The following PCLO variants were observed in gnomAD, a reference collection of about 807,000 sequenced individuals.
The protein encoded by PCLO is protein piccolo.
PCLO carries 82 observed loss-of-function variants against 427.5 expected under a neutral mutation model. The observed-to-expected ratio is 0.19, with a 90% CI of 0.16 to 0.23. PCLO has a LOEUF of 0.23. PCLO is among the 10% of genes least tolerant of loss of function. PCLO has a pLI of 1.00. For missense variants in PCLO, 6,239 were observed against 6,115.9 expected (o/e 1.02, Z -0.67); for synonymous variants, 2,357 against 2,155.4 (o/e 1.09, Z -2.59).
At chr7:82,828,262 A>C (rs1792002007) in intron 16 of PCLO, among the ~76,000 whole-genome samples, 1 of 152,086 alleles carries the variant, frequency 6.6e-6, no homozygotes, top group East Asian at 1.9e-4. Context: ...AATGTAGGAG[A>C]TAATTACATG....
At chr7:82,969,030 TTCTA>T (rs1325759950) in intron 3 of PCLO, among the ~76,000 whole-genome samples, 8 of 152,292 alleles carry the variant, frequency 5.3e-5, no homozygotes, top group African/African-American at 9.6e-5. Context: ...AGTGAGACTA[TTCTA>T]TCTGAGATGT....
intron 10 of PCLO, among the ~76,000 whole-genome samples, chr7:82,864,698 A>C (rs367548485): frequency 1.8e-4 from 28 of 152,094 alleles, no homozygotes; most frequent in African/African-American, 6.8e-4. Flanking sequence ...TAATTTATTC[A>C]GTTATGTAAT....
At chr7:83,058,403 C>A (rs952561157) in intron 3 of PCLO, among the ~76,000 whole-genome samples, 1 of 152,116 alleles carries the variant, frequency 6.6e-6, no homozygotes, top group Non-Finnish European at 1.5e-5. Flanking sequence ...GTATTACATC[C>A]TTTTAGAAGA....
chr7:82,996,887 T>C (rs1787630760), intron 3 of PCLO, among the ~76,000 whole-genome samples: 1 of 151,984 alleles, frequency 6.6e-6, no homozygotes, highest in Non-Finnish European at 1.5e-5. Flanking sequence ...ATAAGTTGTG[T>C]TTTATCTGGT....
Position 82,968,643 on chromosome 7 carries a change from C to T in PCLO, c.3301-2156G>A, listed in dbSNP as rs186502908. On this transcript the variant is annotated intron_variant, in intron 3 of 24. Transcript: ENST00000333891. ...CAAGAAATTCTCCTGCCTCAGTCTC[C>T]TGAGTAGCTGGGATTACAGGTACAC... 3.3e-3 allele frequency among the ~76,000 whole-genome samples: 492 copies of T among 151,082 alleles called. 4 individuals carry two copies. Among genetic ancestry groups the T allele is most frequent in the Non-Finnish European group, 5.4e-3 (367 of 67,810 alleles).
At chr7:83,148,363 T>C (rs1189619845) in intron 2 of PCLO, among the ~76,000 whole-genome samples, 2 of 152,160 alleles carry the variant, frequency 1.3e-5, no homozygotes, top group African/African-American at 4.8e-5. Flanking sequence ...TCATAACACA[T>C]TGTCATCTGT....
chr7:82,764,016 G>T (rs1024538413), intron 22 of PCLO, among the ~76,000 whole-genome samples: 5 of 151,950 alleles, frequency 3.3e-5, no homozygotes, highest in Non-Finnish European at 5.9e-5. Flanking sequence ...TCAGCAAAGG[G>T]ACTGATGGTA....
Position 83,154,643 on chromosome 7 carries a change from G to T in PCLO, c.1893+105C>A. 5 of 875,452 alleles carry T rather than the reference G, an allele frequency of 5.7e-6. No homozygotes were observed. In the South Asian group the frequency reaches 7.2e-5, roughly 13 times the overall value. The allele number at this position is 875,452 out of a possible 1,614,324, so 54.2% of individuals were successfully genotyped here. The stretch of plus-strand genomic sequence containing the variant: ...AACGAACGAAGGAGGGGAGAATCCA[G>T]AGAAAGACAATGCCATCATGTCATA... On this transcript the variant is annotated intron_variant, in intron 2 of 24. Coordinates refer to ENST00000333891, the MANE Select transcript of PCLO (RefSeq NM_033026.6).
chr7:82,774,971 G>A (rs146240232), intron 22 of PCLO, among the ~76,000 whole-genome samples: 1 of 152,150 alleles, frequency 6.6e-6, no homozygotes, highest in African/African-American at 2.4e-5. Flanking sequence ...TTTTCCTAAT[G>A]TCGTATAGTT....
chr7:82,862,043 T>A (rs1222687968), intron 10 of PCLO, among the ~76,000 whole-genome samples: 3 of 151,732 alleles, frequency 2.0e-5, no homozygotes, highest in Admixed American at 2.0e-4. Context: ...TGACGCATCT[T>A]AAAGAACTAG....
chr7:82,764,019 T>A (rs1396048191), intron 22 of PCLO, among the ~76,000 whole-genome samples: 9 of 152,130 alleles, frequency 5.9e-5, no homozygotes, highest in Middle Eastern at 3.4e-3. Context: ...GCAAAGGGAC[T>A]GATGGTAATT....
chr7:82,824,165 A>G, intron 19 of PCLO, 71 bp downstream of exon 19: 1 of 1,019,264 alleles, frequency 9.8e-7, no homozygotes, highest in Non-Finnish European at 1.4e-6. Flanking sequence ...ATGTACAAAC[A>G]TTCACACTAA....
chr7:83,148,326 T>G (rs984823466), intron 2 of PCLO, among the ~76,000 whole-genome samples: 1 of 152,140 alleles, frequency 6.6e-6, no homozygotes, highest in Non-Finnish European at 1.5e-5. Flanking sequence ...TGGAACATAC[T>G]ACAACCCTCC....
chr7:83,025,459 A>G (rs1380676566), intron 3 of PCLO, among the ~76,000 whole-genome samples: 1 of 151,670 alleles, frequency 6.6e-6, no homozygotes, highest in Non-Finnish European at 1.5e-5. Flanking sequence ...CTATGTGAAA[A>G]GACCAAATCT....
intron 16 of PCLO, among the ~76,000 whole-genome samples, chr7:82,833,355 G>A (rs1198650534): frequency 1.3e-5 from 2 of 152,072 alleles, no homozygotes; most frequent in South Asian, 2.1e-4. Flanking sequence ...AAACCAGAGC[G>A]AGGCCCTTCA....
chr7:83,032,410 C>T (rs1788692389), intron 3 of PCLO, among the ~76,000 whole-genome samples: 1 of 150,008 alleles, frequency 6.7e-6, no homozygotes, highest in Non-Finnish European at 1.5e-5. Flanking sequence ...CCCTCCCTCC[C>T]TCCTTCCCTT....
intron 24 of PCLO, 133 bp downstream of exon 24, chr7:82,760,506 T>C (rs1790407680): frequency 3.9e-6 from 2 of 510,650 alleles, no homozygotes; most frequent in African/African-American, 2.0e-5. Context: ...CCTGGGGAGA[T>C]ACTGCTGAAA....
intron 3 of PCLO, among the ~76,000 whole-genome samples, chr7:83,059,115 A>G (rs1233451304): frequency 1.3e-5 from 2 of 150,722 alleles, no homozygotes; most frequent in East Asian, 3.9e-4. Context: ...CATACTATAT[A>G]TGAGATATAG....
intron 22 of PCLO, among the ~76,000 whole-genome samples, chr7:82,786,901 C>A (rs1250602481): frequency 6.6e-6 from 1 of 152,116 alleles, no homozygotes; most frequent in African/African-American, 2.4e-5. Context: ...TCATCCATGT[C>A]CCTGCAAAGG....
Sources: gnomAD v4.1 joint callset for allele counts (sites outside exome capture counted in the v4.1 genomes callset) on GRCh38, gnomAD v4.1.1 for gene constraint, MANE v1.5 for transcripts, NCBI Gene and HGNC (gene_info 2026-07-23, HGNC 2026-07-21) for gene names.